EML6: variants seen among roughly 807,000 people sequenced by gnomAD.
EML6 encodes the protein echinoderm microtubule-associated protein-like 6.
Under a neutral mutation model 240.1 loss-of-function variants are expected in EML6, and 154 were observed. That is an observed-to-expected ratio of 0.64 (90% confidence interval 0.56 to 0.73). EML6 has a LOEUF of 0.73. Among genes scored for constraint, EML6 ranks in the 30% least tolerant of loss-of-function variants. The pLI, the probability that EML6 is intolerant of heterozygous loss-of-function variation, is 0.00. For synonymous variants in EML6, 1,148 were observed against 899.0 expected, an observed-to-expected ratio of 1.28 and a Z score of -4.95; for missense variants, 2,964 against 2,474.6, an observed-to-expected ratio of 1.20 and a Z score of -4.20.
At chr2:54,885,787 A>G (rs1016404977) in intron 17 of EML6, among the ~76,000 whole-genome samples, 3 of 151,696 alleles carry the variant, frequency 2.0e-5, no homozygotes, top group Non-Finnish European at 2.9e-5. Flanking sequence ...AATTTTTTGT[A>G]TTTTTAGTAG....
chr2:54,737,779 C>T (rs1429917103), intron 2 of EML6, among the ~76,000 whole-genome samples: 1 of 152,142 alleles, frequency 6.6e-6, no homozygotes, highest in Non-Finnish European at 1.5e-5. Context: ...TGCCTTGAAC[C>T]CTCAGAGGAA....
At chr2:54,740,049 G>C (rs147428501) in intron 2 of EML6, among the ~76,000 whole-genome samples, 1 of 152,288 alleles carries the variant, frequency 6.6e-6, no homozygotes, top group Non-Finnish European at 1.5e-5. Context: ...CACTGAAACA[G>C]AATGAGGAGC....
rs1682847728 is a variant in EML6 at position 54,725,101 on chromosome 2, G to C, written c.40G>C (p.Glu14Gln). The C allele has an allele frequency of 2.0e-6, 3 of 1,533,690 alleles. No homozygotes were observed. In the African/African-American group the frequency reaches 4.2e-5, roughly 22 times the overall value. ...GGCGCCCCGCTGCCAGCTCCGGCTG[G>C]AGTGGGTGTACGGGTACCGGGGTCA... is the stretch of plus-strand genomic sequence containing the variant. Reference protein sequence around the residue: ...RTAPRCQLRLEWVYGYRGHQC... With the variant: ...RTAPRCQLRLQWVYGYRGHQC... The change falls in exon 2 of 42, where the codon GAG becomes CAG. Residue 14 changes from glutamate (E) to glutamine (Q), a missense_variant. Coordinates refer to ENST00000356458, the MANE Select transcript of EML6 (RefSeq NM_001039753.4). The surrounding 1 kb of genome is among the most constrained non-coding windows in gnomAD (Gnocchi z 4.3).
chr2:54,853,951 C>G (rs1182552976), intron 11 of EML6, 96 bp downstream of exon 11: 1 of 650,746 alleles, frequency 1.5e-6, no homozygotes, highest in Non-Finnish European at 2.4e-6. Context: ...TTCCAATGCA[C>G]TGTTTATTTT....
intron 16 of EML6, among the ~76,000 whole-genome samples, chr2:54,875,400 T>C (rs1172313835): frequency 6.6e-6 from 1 of 152,238 alleles, no homozygotes; most frequent in Non-Finnish European, 1.5e-5. Flanking sequence ...AGTTACGATT[T>C]AGCTAGTGCT....
intron 8 of EML6, among the ~76,000 whole-genome samples, chr2:54,846,348 A>G (rs1669752316): frequency 6.6e-6 from 1 of 152,172 alleles, no homozygotes; most frequent in African/African-American, 2.4e-5. Flanking sequence ...ATATATTTAC[A>G]TACATATATA....
At chr2:54,847,745 C>A in intron 9 of EML6, 122 bp downstream of exon 9, 1 of 985,008 alleles carries the variant, frequency 1.0e-6, no homozygotes. Flanking sequence ...AATAGGAATA[C>A]TATAGATCTA....
rs1669365346 is a variant in EML6 at position 54,790,349 on chromosome 2, C to G, written c.198-22883C>G. 2.6e-5 allele frequency among the ~76,000 whole-genome samples: 4 copies of G among 152,050 alleles called. No individual in the cohort carries two copies. In the South Asian group the frequency reaches 8.3e-4, roughly 31 times the overall value. On this transcript the variant is annotated intron_variant, in intron 2 of 41. Coordinates refer to ENST00000356458, the MANE Select transcript of EML6 (RefSeq NM_001039753.4). ...TAACTAGGTTAATTTTTATTGTGCC[C>G]AGAAAATACTTAGGTAATTTCAGAT...
At chr2:54,914,151 T>C (rs950698621) in intron 25 of EML6, among the ~76,000 whole-genome samples, 1 of 152,224 alleles carries the variant, frequency 6.6e-6, no homozygotes, top group Non-Finnish European at 1.5e-5. Flanking sequence ...TTTGGCTCCA[T>C]ATGAATTTCA....
At chr2:54,753,956 G>A (rs1424508977) in intron 2 of EML6, among the ~76,000 whole-genome samples, 3 of 151,962 alleles carry the variant, frequency 2.0e-5, no homozygotes, top group African/African-American at 7.2e-5. Flanking sequence ...CCAACATGGT[G>A]ACTCCCTGTC....
intron 32 of EML6, among the ~76,000 whole-genome samples, chr2:54,955,798 A>T (rs1448283366): frequency 6.6e-6 from 1 of 152,182 alleles, no homozygotes; most frequent in Non-Finnish European, 1.5e-5. Context: ...GAGGGTTGTG[A>T]GCCAGTGCTG....
chr2:54,751,809 G>A (rs1424729992), intron 2 of EML6, among the ~76,000 whole-genome samples: 1 of 152,194 alleles, frequency 6.6e-6, no homozygotes, highest in African/African-American at 2.4e-5. Flanking sequence ...GCTAATAAAT[G>A]TCTTCAATTT....
Position 54,930,518 on chromosome 2 carries a change from C to CT in EML6, c.4004+1778dup, listed in dbSNP as rs150838811. On this transcript the variant is annotated intron_variant, in intron 28 of 41. Transcript: ENST00000356458. The stretch of plus-strand genomic sequence containing the variant: ...TATAGTCGCATACACTGGAATGACT[C>CT]TTTTTTTTTTTATCAAAAGGAAAAA... 2.2e-3 allele frequency among the ~76,000 whole-genome samples: 327 copies of CT among 145,724 alleles called. 4 individuals carry two copies. Among genetic ancestry groups the CT allele is most frequent in the East Asian group, 4.9e-3 (25 of 5,060 alleles).
intron 32 of EML6, 120 bp from the exon 33 acceptor site, chr2:54,957,670 T>G: frequency 1.2e-6 from 1 of 830,936 alleles, no homozygotes; most frequent in Non-Finnish European, 1.9e-6. Context: ...GAGAGAGTGC[T>G]GTAAAGAAGA....
chr2:54,836,186 T>C (rs1468882748), intron 7 of EML6, among the ~76,000 whole-genome samples: 1 of 152,162 alleles, frequency 6.6e-6, no homozygotes, highest in Non-Finnish European at 1.5e-5. Flanking sequence ...AAGTTCCGTG[T>C]GTGACATGGT....
intron 7 of EML6, among the ~76,000 whole-genome samples, chr2:54,842,281 C>G (rs1006434205): frequency 6.6e-6 from 1 of 152,138 alleles, no homozygotes; most frequent in African/African-American, 2.4e-5. Flanking sequence ...TTGCAGTAAA[C>G]AGTTTTTAGA....
rs572991514 is a variant in EML6, at chr2:54,911,068, A to T, written c.3498+26A>T. The stretch of plus-strand genomic sequence containing the variant: ...GTAATAATCATACACAAAGATTTTT[A>T]AAGATATTTTGTGAAGATTTAATAT... On this transcript the variant is annotated intron_variant, in intron 25 of 41. Coordinates refer to ENST00000356458, the MANE Select transcript of EML6 (RefSeq NM_001039753.4). The T allele has an allele frequency of 3.2e-6, 4 of 1,240,950 alleles. No individual in the cohort carries two copies. The African/African-American group carries it at 4.5e-5, about 14-fold the overall frequency. 76.9% of individuals were successfully genotyped at this position (1,240,950 alleles called of 1,614,324 possible).
intron 11 of EML6, among the ~76,000 whole-genome samples, chr2:54,856,031 C>G (rs1365314281): frequency 6.6e-6 from 1 of 152,184 alleles, no homozygotes; most frequent in Non-Finnish European, 1.5e-5. Flanking sequence ...AAACTCACAA[C>G]CAAGTTAATT....
chr2:54,827,518 C>A, intron 5 of EML6, 48 bp from the exon 6 acceptor site: 2 of 1,438,330 alleles, frequency 1.4e-6, no homozygotes. Context: ...CAATGCAATA[C>A]ATCCGAATAC....
Sources: allele counts gnomAD v4.1 joint callset (sites outside exome capture counted in the v4.1 genomes callset), GRCh38; gene constraint gnomAD v4.1.1; non-coding constraint Gnocchi (gnomAD v3.1); transcripts MANE v1.5; gene names NCBI Gene and HGNC (gene_info 2026-07-23, HGNC 2026-07-21).